ABCA13: variants seen among roughly 807,000 people sequenced by gnomAD.
The protein encoded by ABCA13 is ATP binding cassette subfamily A member 13.
In ABCA13, 476 loss-of-function variants were observed where a neutral mutation model predicts 478.7. The ratio of observed to expected loss-of-function variants is 0.99; its 90% CI spans 0.92 to 1.07. The LOEUF is 1.07. Among genes scored for constraint, ABCA13 ranks in the 50% least tolerant of loss-of-function variants. ABCA13 has a pLI of 0.00. For synonymous variants in ABCA13, 2,252 were observed against 2,158.9 expected, an observed-to-expected ratio of 1.04 and a Z score of -1.20; for missense variants, 6,060 against 5,910.6, an observed-to-expected ratio of 1.03 and a Z score of -0.83.
chr7:48,462,441 A>T (rs987943320), intron 43 of ABCA13, among the ~76,000 whole-genome samples: 1 of 142,044 alleles, frequency 7.0e-6, no homozygotes, highest in African/African-American at 2.8e-5. Context: ...GGAGTAAAGG[A>T]TTCCCCCCCC....
intron 29 of ABCA13, among the ~76,000 whole-genome samples, chr7:48,347,380 C>T (rs1425905476): frequency 1.3e-5 from 2 of 152,190 alleles, no homozygotes; most frequent in Non-Finnish European, 1.5e-5. Context: ...GTCTTCTTCT[C>T]GCACACCCTT....
chr7:48,572,710 T>C (rs915493274), intron 55 of ABCA13, among the ~76,000 whole-genome samples: 2 of 152,194 alleles, frequency 1.3e-5, no homozygotes, highest in Non-Finnish European at 2.9e-5. Flanking sequence ...TTTTACTTAT[T>C]GTAACACATT....
intron 29 of ABCA13, 106 bp from the exon 30 acceptor site, chr7:48,350,537 A>T (rs1185298417): frequency 3.1e-6 from 4 of 1,288,362 alleles, no homozygotes; most frequent in East Asian, 4.9e-5. Context: ...TTAGTGGAAG[A>T]ATTCATATTC....
intron 15 of ABCA13, among the ~76,000 whole-genome samples, chr7:48,258,968 T>C (rs1793793567): frequency 6.6e-6 from 1 of 151,976 alleles, no homozygotes; most frequent in Non-Finnish European, 1.5e-5. Flanking sequence ...TGTGGTCTGA[T>C]AGTGTGTTTG....
chr7:48,344,517 T>TA (rs1351328835), intron 29 of ABCA13, among the ~76,000 whole-genome samples: 1 of 152,232 alleles, frequency 6.6e-6, no homozygotes, highest in Non-Finnish European at 1.5e-5. Flanking sequence ...TGGCCCCACA[T>TA]TAGTGTAGAA....
At chr7:48,309,596 C>T (rs1013729894) in intron 23 of ABCA13, among the ~76,000 whole-genome samples, 7 of 151,974 alleles carry the variant, frequency 4.6e-5, no homozygotes, top group South Asian at 2.1e-4. Context: ...ATCAGACAAA[C>T]GAGACACAGA....
At position 48,317,174 on chromosome 7, in the gene ABCA13, C is replaced by G. The variant is rs1304078381; in HGVS notation, c.9877C>G (p.Leu3293Val). 1.9e-6 allele frequency: 3 copies of G among 1,611,922 alleles called. No individual in the cohort carries two copies. Among genetic ancestry groups the G allele is most frequent in the Non-Finnish European group, 2.5e-6 (3 of 1,179,330 alleles). Reference protein sequence around the residue: ...PEDSTPFCLKLYQEILQLPNG... With the variant: ...PEDSTPFCLKVYQEILQLPNG... ...TGCAACAGCACCGTTTTGCTTGAAGCTTTATCAGGAAATTCTACAATTGCC... is the reference window on the plus strand; with the variant it reads ...TGCAACAGCACCGTTTTGCTTGAAGGTTTATCAGGAAATTCTACAATTGCC... Residue 3293 changes from leucine to valine, a missense_variant, in exon 27 of 62, where the codon CTT becomes GTT. Physicochemically the swap from Leu to Val is conservative, Grantham distance 32. Transcript: ENST00000435803.
intron 41 of ABCA13, among the ~76,000 whole-genome samples, chr7:48,423,148 G>C (rs1021169989): frequency 2.6e-5 from 4 of 152,148 alleles, no homozygotes; most frequent in Non-Finnish European, 5.9e-5. Flanking sequence ...GCATGTCAGG[G>C]GACAGCCCTG....
At chr7:48,423,858 G>C (rs1272988204) in intron 41 of ABCA13, among the ~76,000 whole-genome samples, 1 of 152,048 alleles carries the variant, frequency 6.6e-6, no homozygotes, top group African/African-American at 2.4e-5. Flanking sequence ...TGACTAGTTT[G>C]ACCAACTTGA....
intron 1 of ABCA13, among the ~76,000 whole-genome samples, chr7:48,182,354 A>T (rs1360285235): frequency 6.6e-6 from 1 of 152,196 alleles, no homozygotes; most frequent in African/African-American, 2.4e-5. Context: ...CCTCATTAAA[A>T]ATCTATCAAA....
intron 55 of ABCA13, among the ~76,000 whole-genome samples, chr7:48,529,323 A>G (rs1045645320): frequency 6.6e-6 from 1 of 152,182 alleles, no homozygotes; most frequent in Non-Finnish European, 1.5e-5. Context: ...TTCTTTCTCC[A>G]CATACCACTC....
At chr7:48,409,205 T>C (rs1277624598) in intron 39 of ABCA13, among the ~76,000 whole-genome samples, 2 of 152,130 alleles carry the variant, frequency 1.3e-5, no homozygotes, top group African/African-American at 2.4e-5. Flanking sequence ...ACGGAACAGG[T>C]TGAATGGGGC....
rs574886581 is a variant in ABCA13, at chr7:48,551,980, C to T, written c.14354+23635C>T. Among the ~76,000 whole-genome samples the T allele has an allele frequency of 4.0e-5, 6 of 151,874 alleles. No homozygotes were observed. The East Asian group carries it at 1.2e-3, about 29-fold the overall frequency. The stretch of plus-strand genomic sequence containing the variant: ...ATATTTACATGTTTTATGTTCTTTC[C>T]TCTGAAGTTAACCAAAAAAAGCAAG... On this transcript the variant is annotated intron_variant, in intron 55 of 61. Transcript: ENST00000435803.
chr7:48,445,492 C>T (rs1824181287), intron 42 of ABCA13, among the ~76,000 whole-genome samples: 1 of 152,176 alleles, frequency 6.6e-6, no homozygotes, highest in Admixed American at 6.5e-5. Flanking sequence ...GATCAAGCTC[C>T]TTCTTGCCCC....
intron 54 of ABCA13, among the ~76,000 whole-genome samples, chr7:48,525,802 G>A (rs1202025184): frequency 6.7e-6 from 1 of 148,896 alleles, no homozygotes; most frequent in East Asian, 2.0e-4. Flanking sequence ...AGTTGTAAAT[G>A]TGTGCTGTGG....
chr7:48,401,010 T>C (rs535171581), intron 38 of ABCA13, among the ~76,000 whole-genome samples: 1 of 152,346 alleles, frequency 6.6e-6, no homozygotes, highest in Admixed American at 6.5e-5. Context: ...ATGATACGTG[T>C]CACAGGGACC....
intron 59 of ABCA13, among the ~76,000 whole-genome samples, chr7:48,637,270 G>A (rs115865919): frequency 0.016 from 2,377 of 151,260 alleles, 53 homozygotes; most frequent in African/African-American, 0.054. Context: ...TTCCTCCTCA[G>A]GTCTCACGCA....
At chr7:48,321,593 A>G (rs1021776642) in intron 27 of ABCA13, among the ~76,000 whole-genome samples, 1 of 152,204 alleles carries the variant, frequency 6.6e-6, no homozygotes, top group African/African-American at 2.4e-5. Flanking sequence ...GTCTCTGAGC[A>G]TGGAGTAGAA....
At chr7:48,405,460 T>A (rs1818140668) in intron 39 of ABCA13, among the ~76,000 whole-genome samples, 1 of 152,212 alleles carries the variant, frequency 6.6e-6, no homozygotes, top group South Asian at 2.1e-4. Context: ...GGGAAAGACA[T>A]AGAAAGGGCA....
Sources: gnomAD v4.1 joint callset for allele counts (sites outside exome capture counted in the v4.1 genomes callset) on GRCh38, gnomAD v4.1.1 for gene constraint, MANE v1.5 for transcripts, NCBI Gene and HGNC (gene_info 2026-07-23, HGNC 2026-07-21) for gene names.